Variants in ADGRB3 observed in about 807,000 individuals in gnomAD.
The protein encoded by ADGRB3 is adhesion G protein-coupled receptor B3, also known as brain-specific angiogenesis inhibitor 3.
A neutral mutation model predicts 193.4 loss-of-function variants in ADGRB3; 37 were observed. The observed-to-expected ratio is 0.19, with a 90% CI of 0.15 to 0.25. The LOEUF (loss-of-function observed/expected upper bound fraction) is 0.25. Among genes scored for constraint, ADGRB3 ranks in the 10% least tolerant of loss-of-function variants. The pLI, the probability that ADGRB3 is intolerant of heterozygous loss-of-function variation, is 1.00. For missense variants in ADGRB3, 1,637 were observed against 1,852.9 expected, an observed-to-expected ratio of 0.88 and a Z score of 2.14; for synonymous variants, 690 against 644.2, an observed-to-expected ratio of 1.07 and a Z score of -1.08.
chr6:69,287,927 A>G (rs1022561552), intron 20 of ADGRB3, among the ~76,000 whole-genome samples: 1 of 152,216 alleles, frequency 6.6e-6, no homozygotes, highest in Non-Finnish European at 1.5e-5. Flanking sequence ...ACTTTAAACT[A>G]TGTAGGAACT....
intron 3 of ADGRB3, among the ~76,000 whole-genome samples, chr6:68,761,171 C>G (rs1188287320): frequency 1.3e-5 from 2 of 152,144 alleles, no homozygotes; most frequent in Non-Finnish European, 2.9e-5. Flanking sequence ...CAATTCGGAT[C>G]ACATACCCTG....
At chr6:69,173,126 C>T (rs530451017) in intron 17 of ADGRB3, among the ~76,000 whole-genome samples, 1 of 152,342 alleles carries the variant, frequency 6.6e-6, no homozygotes, top group African/African-American at 2.4e-5. Flanking sequence ...CAACCTCTGC[C>T]TCCCGGGTTC....
rs544054173 is a variant in ADGRB3, at chr6:68,991,671, G to A, written c.1735-2097G>A. 4.6e-5 allele frequency among the ~76,000 whole-genome samples: 7 copies of A among 152,160 alleles called. No homozygotes were observed. The East Asian group carries it at 9.7e-4, about 21-fold the overall frequency. ...GTGCCACTAGAGCACAGCAAATGGCGGGGAACGGGGAAGAACTCCGCAGAA... is the reference window on the plus strand; with the variant it reads ...GTGCCACTAGAGCACAGCAAATGGCAGGGAACGGGGAAGAACTCCGCAGAA... On this transcript the variant is annotated intron_variant, in intron 10 of 31. Transcript: ENST00000370598.
chr6:69,076,124 A>T, intron 17 of ADGRB3, 86 bp downstream of exon 17: 1 of 1,180,464 alleles, frequency 8.5e-7, no homozygotes, highest in East Asian at 2.4e-5. Context: ...AGTTAACAGG[A>T]ATATAAGTCA....
intron 17 of ADGRB3, among the ~76,000 whole-genome samples, chr6:69,215,935 A>G (rs1194549562): frequency 6.6e-6 from 1 of 152,204 alleles, no homozygotes; most frequent in Non-Finnish European, 1.5e-5. Context: ...TAGATAGTTA[A>G]TATAAATTCA....
chr6:68,854,346 T>C (rs932964650), intron 3 of ADGRB3, among the ~76,000 whole-genome samples: 1 of 152,158 alleles, frequency 6.6e-6, no homozygotes, highest in African/African-American at 2.4e-5. Context: ...TAATTAATAA[T>C]GATATATTGT....
intron 17 of ADGRB3, among the ~76,000 whole-genome samples, chr6:69,127,072 A>T (rs940451422): frequency 6.6e-6 from 1 of 152,182 alleles, no homozygotes; most frequent in Admixed American, 6.5e-5. Context: ...CAAAAGTGAG[A>T]TGTTAGACTT....
chr6:69,188,894 T>A (rs1019539981), intron 17 of ADGRB3, among the ~76,000 whole-genome samples: 1 of 152,206 alleles, frequency 6.6e-6, no homozygotes, highest in Non-Finnish European at 1.5e-5. Flanking sequence ...GAAATTTAAT[T>A]ATAAATGCCT....
intron 3 of ADGRB3, among the ~76,000 whole-genome samples, chr6:68,754,378 A>C (rs911671034): frequency 3.3e-5 from 5 of 152,188 alleles, no homozygotes; most frequent in Admixed American, 2.6e-4. Context: ...AGTGTAACTG[A>C]AAATCAAAAA....
intron 20 of ADGRB3, among the ~76,000 whole-genome samples, chr6:69,278,857 A>T (rs1767357230): frequency 6.6e-6 from 1 of 151,860 alleles, no homozygotes; most frequent in Admixed American, 6.6e-5. Context: ...AAATATACAT[A>T]ACCAATACCT....
chr6:68,846,153 A>T (rs1272634963), intron 3 of ADGRB3, among the ~76,000 whole-genome samples: 4 of 152,178 alleles, frequency 2.6e-5, no homozygotes, highest in African/African-American at 9.7e-5. Context: ...GGAACTTTGA[A>T]CTTGAAAGAG....
chr6:68,672,463 T>C (rs540733598), intron 3 of ADGRB3, among the ~76,000 whole-genome samples: 2 of 152,172 alleles, frequency 1.3e-5, no homozygotes, highest in South Asian at 4.1e-4. Context: ...ATGTTATGTT[T>C]CCACTAACAG....
At chr6:69,180,881 G>A (rs1300951121) in intron 17 of ADGRB3, among the ~76,000 whole-genome samples, 3 of 152,132 alleles carry the variant, frequency 2.0e-5, no homozygotes, top group Non-Finnish European at 4.4e-5. Context: ...GTATGCCCCG[G>A]GATTAAAAAT....
chr6:68,707,052 A>C (rs1765336817), intron 3 of ADGRB3, among the ~76,000 whole-genome samples: 1 of 149,682 alleles, frequency 6.7e-6, no homozygotes, highest in African/African-American at 2.5e-5. Flanking sequence ...CGGAGTTTGC[A>C]GTGAGCCAAG....
At chr6:69,232,544 C>A (rs1244524333) in intron 17 of ADGRB3, 1 of 1,535,648 alleles carries the variant, frequency 6.5e-7, no homozygotes, top group Admixed American at 2.0e-5. Flanking sequence ...GCTTCTGCCC[C>A]AGGGCAAAGA....
chr6:68,844,520 G>A (rs1768235229), intron 3 of ADGRB3, among the ~76,000 whole-genome samples: 2 of 152,156 alleles, frequency 1.3e-5, no homozygotes, highest in South Asian at 4.1e-4. Flanking sequence ...GTGGAGAAAA[G>A]GGAACCATCC....
chr6:68,862,292 T>C (rs1384435203), intron 3 of ADGRB3, among the ~76,000 whole-genome samples: 7 of 152,346 alleles, frequency 4.6e-5, no homozygotes, highest in Admixed American at 3.9e-4. Flanking sequence ...ATTTTTGTTA[T>C]TGTTTCTTCA....
chr6:69,177,844 C>T (rs760508502), intron 17 of ADGRB3, among the ~76,000 whole-genome samples: 7 of 152,120 alleles, frequency 4.6e-5, no homozygotes, highest in African/African-American at 7.2e-5. Context: ...TTGAGACTCA[C>T]CTTGTGGCCA....
At chr6:68,861,256 C>T (rs542974170) in intron 3 of ADGRB3, among the ~76,000 whole-genome samples, 1 of 152,282 alleles carries the variant, frequency 6.6e-6, no homozygotes, top group East Asian at 1.9e-4. Flanking sequence ...TGCAACCCAA[C>T]TTCACTATTT....
Sources: gnomAD v4.1 joint callset for allele counts (sites outside exome capture counted in the v4.1 genomes callset) on GRCh38, gnomAD v4.1.1 for gene constraint, MANE v1.5 for transcripts, NCBI Gene and HGNC (gene_info 2026-07-23, HGNC 2026-07-21) for gene names.